The following EPOR variants were observed in gnomAD, a reference collection of about 807,000 sequenced individuals.
The protein encoded by EPOR is erythropoietin receptor.
In EPOR, 20 loss-of-function variants were observed where a neutral mutation model predicts 34.3. The ratio of observed to expected loss-of-function variants is 0.58; its 90% CI spans 0.41 to 0.85. EPOR has a LOEUF of 0.85. EPOR is among the 40% of genes least tolerant of loss of function. EPOR has a pLI of 0.00. For missense variants in EPOR, 601 were observed against 672.7 expected (o/e 0.89, Z 1.18); for synonymous variants, 312 against 299.0 (o/e 1.04, Z -0.45).
In EPOR at chr19:11,383,344, G is replaced by A; in HGVS notation, c.116-112C>T. On this transcript the variant is annotated intron_variant, in intron 1 of 7. Coordinates refer to ENST00000222139, the MANE Select transcript of EPOR (RefSeq NM_000121.4). This position sits in a 1 kb window ranked among gnomAD's most constrained non-coding sequence, Gnocchi z 4.9. ...GCGGACCCGATAAGAAAAAAGCCCC[G>A]CCCTGCCATCTTCCCAAGCGGGTCC... is the stretch of plus-strand genomic sequence containing the variant. 2 of 1,112,504 alleles carry A rather than the reference G, an allele frequency of 1.8e-6. No individual in the cohort carries two copies. The highest frequency in any genetic ancestry group is 2.5e-6 in the Non-Finnish European group (2 of 802,836). 68.9% of individuals were successfully genotyped at this position (1,112,504 alleles called of 1,614,324 possible).
chr19:11,380,223 A>T (rs1968337407), intron 6 of EPOR, among the ~76,000 whole-genome samples: 1 of 152,164 alleles, frequency 6.6e-6, no homozygotes, highest in Non-Finnish European at 1.5e-5. Context: ...ACAATTTGTC[A>T]TCAAATATTT....
chr19:11,381,737 G>T lies in EPOR; in HGVS notation c.540C>A (p.Tyr180Ter). ...PETPMTSHIRYEVDVSAGNGA... is the reference protein window; with the variant it reads ...PETPMTSHIR ...CGTTGCCGGCCGAGACGTCCACCTCGTAGCGGATGTGAGACGTCATGGGTG... is the reference window on the plus strand; with the variant it reads ...CGTTGCCGGCCGAGACGTCCACCTCTTAGCGGATGTGAGACGTCATGGGTG... Residue 180 changes from tyrosine to a stop codon, truncating the protein, a stop_gained, in exon 4 of 8, where the codon TAC becomes TAA. Transcript: ENST00000222139. LOFTEE classifies it high-confidence loss of function. This position sits in a 1 kb window ranked among gnomAD's most constrained non-coding sequence, Gnocchi z 5.3. The T allele has an allele frequency of 6.2e-7, 1 of 1,612,850 alleles. No homozygotes were observed. Among genetic ancestry groups the T allele is most frequent in the Non-Finnish European group, 8.5e-7 (1 of 1,179,556 alleles).
rs775215856 is a variant in EPOR at position 11,381,718 on chromosome 19, C to G, written c.559G>C (p.Gly187Arg). 3.1e-6 allele frequency: 5 copies of G among 1,610,570 alleles called. No individual in the cohort carries two copies. The highest frequency in any genetic ancestry group is 4.2e-6 in the Non-Finnish European group (5 of 1,178,816). ...CTCTGTACGCTCCCTGCGCCGTTGCCGGCCGAGACGTCCACCTCGTAGCGG... is the reference window on the plus strand; with the variant it reads ...CTCTGTACGCTCCCTGCGCCGTTGCGGGCCGAGACGTCCACCTCGTAGCGG... ...HIRYEVDVSA[G>R]NGAGSVQRVE... Residue 187 changes from glycine to arginine, a missense_variant, in exon 4 of 8, where the codon GGC becomes CGC. Gly to Arg is a moderately radical substitution (Grantham distance 125, BLOSUM62 -2). Transcript: ENST00000222139. This position sits in a 1 kb window ranked among gnomAD's most constrained non-coding sequence, Gnocchi z 5.3.
In EPOR at chr19:11,381,709, C is replaced by A. The variant is rs139849355; in HGVS notation, c.568G>T (p.Ala190Ser). Residue 190 changes from alanine (A) to serine (S), a missense_variant, in exon 4 of 8, where the codon GCA becomes TCA. Transcript: ENST00000222139. The surrounding 1 kb of genome is among the most constrained non-coding windows in gnomAD (Gnocchi z 5.3). ...GGCCTCACCCTCTGTACGCTCCCTG[C>A]GCCGTTGCCGGCCGAGACGTCCACC... ...YEVDVSAGNG[A>S]GSVQRVEILE... The A allele has an allele frequency of 6.8e-6, 11 of 1,608,864 alleles. No individual in the cohort carries two copies. In the East Asian group the frequency reaches 9.0e-5, roughly 13 times the overall value.
In EPOR at chr19:11,381,391, G is replaced by T; in HGVS notation, c.586-182C>A. On this transcript the variant is annotated intron_variant, in intron 4 of 7. Transcript: ENST00000222139. This position sits in a 1 kb window ranked among gnomAD's most constrained non-coding sequence, Gnocchi z 5.3. ...AGGGCCAATCAGAGAGAGAGTCTCT[G>T]GTACGAAAGGGCGGGACCCGGGCAA... The T allele has an allele frequency of 1.4e-6, 1 of 731,018 alleles. No homozygotes were observed. 45.3% of individuals were successfully genotyped at this position (731,018 alleles called of 1,614,324 possible).
In EPOR at chr19:11,383,029, CG is replaced by C; in HGVS notation, c.251+67del. The C allele has an allele frequency of 6.2e-7, 1 of 1,609,128 alleles. No homozygotes were observed. Among genetic ancestry groups the C allele is most frequent in the South Asian group, 1.1e-5 (1 of 91,024 alleles). ...AAACAGCAGGGGACATACGAGGCTA[CG>C]ACCTCCAGGGAGCTCTGCCCCACCC... On this transcript the variant is annotated intron_variant, in intron 2 of 7. Coordinates refer to ENST00000222139, the MANE Select transcript of EPOR (RefSeq NM_000121.4). This position sits in a 1 kb window ranked among gnomAD's most constrained non-coding sequence, Gnocchi z 4.9.
rs1968294574 is a variant in EPOR, at chr19:11,377,374, CCCATTT to C, written c.*604_*609del. On this transcript the variant is annotated 3_prime_UTR_variant, in exon 8 of 8. Transcript: ENST00000222139. ...TGAGGTGTGAGAAGAAGAGAGGAAGCCCATTTCCAGGCCAGATCCCTCAAATGGCCC... is the reference window on the plus strand; with the variant it reads ...TGAGGTGTGAGAAGAAGAGAGGAAGCCCAGGCCAGATCCCTCAAATGGCCC... 2.2e-6 allele frequency: 1 copy of C among 453,886 alleles called. No homozygotes were observed. The highest frequency in any genetic ancestry group is 1.6e-5 in the South Asian group (1 of 64,472). 28.1% of individuals were successfully genotyped at this position (453,886 alleles called of 1,614,324 possible).
Position 11,382,070 on chromosome 19 carries a change from G to T in EPOR, c.287C>A (p.Ala96Asp). 1.9e-6 allele frequency: 3 copies of T among 1,614,086 alleles called. No homozygotes were observed. The highest frequency in any genetic ancestry group is 2.5e-6 in the Non-Finnish European group (3 of 1,179,990). The change falls in exon 3 of 8, where the codon GCT becomes GAT. Residue 96 changes from alanine to aspartate, a missense_variant. Physicochemically the swap from Ala to Asp is moderately radical, Grantham distance 126. Transcript: ENST00000222139. ...EPWKLCRLHQ[A>D]PTARGAVRFW... ...GCGCACCGCACCACGAGCCGTGGGA[G>T]CCTGGTGCAGGCGACACAGCTTCCA...
chr19:11,381,643 GC>G lies in EPOR; in HGVS notation c.585+48del. 1.3e-6 allele frequency: 2 copies of G among 1,556,632 alleles called. No individual in the cohort carries two copies. Among genetic ancestry groups the G allele is most frequent in the Non-Finnish European group, 1.7e-6 (2 of 1,149,150 alleles). ...GCGCGACCTCGAGAGGCGTGGCTGG[GC>G]CGTAGTCAGTGGAGCTTTGGGGGCT... On this transcript the variant is annotated intron_variant, in intron 4 of 7. Transcript: ENST00000222139. The surrounding 1 kb of genome is among the most constrained non-coding windows in gnomAD (Gnocchi z 5.3).
rs1445996830 is a variant in EPOR at position 11,383,513 on chromosome 19, GGGACTGCC to G, written c.116-289_116-282del. ...GCGCGGCGTTCAAGACCTCGAGCTC[GGGACTGCC>G]AGCCCCGCCCCAGCCTAGGACACGC... is the stretch of plus-strand genomic sequence containing the variant. On this transcript the variant is annotated intron_variant, in intron 1 of 7. Coordinates refer to ENST00000222139, the MANE Select transcript of EPOR (RefSeq NM_000121.4). The surrounding 1 kb of genome is among the most constrained non-coding windows in gnomAD (Gnocchi z 4.9). 2.7e-6 allele frequency: 1 copy of G among 371,896 alleles called. No individual in the cohort carries two copies. Among genetic ancestry groups the G allele is most frequent in the East Asian group, 4.7e-5 (1 of 21,196 alleles). 23.0% of individuals were successfully genotyped at this position (371,896 alleles called of 1,614,324 possible).
In EPOR at chr19:11,378,021, G is replaced by A. The variant is rs375280404; in HGVS notation, c.1490C>T (p.Ala497Val). 6.2e-7 allele frequency: 1 copy of A among 1,614,032 alleles called. No individual in the cohort carries two copies. The highest frequency in any genetic ancestry group is 1.3e-5 in the African/African-American group (1 of 74,912). The stretch of plus-strand genomic sequence containing the variant: ...CACATAGCTGGGGGGCAGAGGCTCA[G>A]CGGCTGGGATAAGGCTGTTCTCATA... ...NPYENSLIPA[A>V]EPLPPSYVAC... The change falls in exon 8 of 8, where the codon GCT (alanine) becomes GTT (valine). Residue 497 changes from alanine to valine, a missense_variant. Transcript: ENST00000222139. The surrounding 1 kb of genome is among the most constrained non-coding windows in gnomAD (Gnocchi z 5.3).
Position 11,377,448 on chromosome 19 carries a change from C to T in EPOR, c.*536G>A, listed in dbSNP as rs1455991241. 1 of 454,062 alleles carries T rather than the reference C, an allele frequency of 2.2e-6. No homozygotes were observed. Among genetic ancestry groups the T allele is most frequent in the Non-Finnish European group, 4.4e-6 (1 of 226,780 alleles). 28.1% of individuals were successfully genotyped at this position (454,062 alleles called of 1,614,324 possible). A position where few individuals can be genotyped will look rare whatever the true frequency, so the allele number is the denominator to read the frequency against. ...CCCTTTTTCTTCCCTTGCTGACTGGCAGTTTGTAGAACAGGGGATCCATCT... is the reference window on the plus strand; with the variant it reads ...CCCTTTTTCTTCCCTTGCTGACTGGTAGTTTGTAGAACAGGGGATCCATCT... On this transcript the variant is annotated 3_prime_UTR_variant, in exon 8 of 8. Transcript: ENST00000222139.
Position 11,381,290 on chromosome 19 carries a change from A to G in EPOR, c.586-81T>C. On this transcript the variant is annotated intron_variant, in intron 4 of 7. Transcript: ENST00000222139. This position sits in a 1 kb window ranked among gnomAD's most constrained non-coding sequence, Gnocchi z 5.3. Reference sequence around the variant, plus strand: ...GGCGGGCCCTGGTGGAACTGAGCCAATCAGGGGAAAGGAAAACGGTGCCCT... The same window carrying G: ...GGCGGGCCCTGGTGGAACTGAGCCAGTCAGGGGAAAGGAAAACGGTGCCCT... 3.4e-6 allele frequency: 5 copies of G among 1,472,790 alleles called. No homozygotes were observed. The highest frequency in any genetic ancestry group is 4.6e-6 in the Non-Finnish European group (5 of 1,080,618). The allele number at this position is 1,472,790 out of a possible 1,614,324, so 91.2% of individuals were successfully genotyped here.
rs1568330538 is a variant in EPOR, at chr19:11,384,086, T to TCCTTC, written c.115+6_115+7insGAAGG. The TCCTTC allele has an allele frequency of 6.5e-7, 1 of 1,537,996 alleles. No individual in the cohort carries two copies. Among genetic ancestry groups the TCCTTC allele is most frequent in the African/African-American group, 1.4e-5 (1 of 72,904 alleles). ...AGCGTAGGGGTCCACACGCAGCTCA[T>TCCTTC]CCTTACCTTTGCTCTCGAACTTGGG... is the stretch of plus-strand genomic sequence containing the variant. On this transcript the variant is annotated splice_region_variant and intron_variant, in intron 1 of 7. Coordinates refer to ENST00000222139, the MANE Select transcript of EPOR (RefSeq NM_000121.4).
At position 11,381,182 on chromosome 19, in the gene EPOR, A is replaced by G. The variant is rs1248029611; in HGVS notation, c.613T>C (p.Cys205Arg). 1 of 1,550,704 alleles carries G rather than the reference A, an allele frequency of 6.4e-7. No homozygotes were observed. The highest frequency in any genetic ancestry group is 2.1e-4 in the Middle Eastern group (1 of 4,862). ...CGGCCCCGCAGGTTGCTCAGCACAC[A>G]CTCGGTGCGGCCCTCCAGGATCTCC... Reference protein sequence around the residue: ...RVEILEGRTECVLSNLRGRTR... With the variant: ...RVEILEGRTERVLSNLRGRTR... The change falls in exon 5 of 8, where the codon TGT becomes CGT. Residue 205 changes from cysteine (C) to arginine (R), a missense_variant. Coordinates refer to ENST00000222139, the MANE Select transcript of EPOR (RefSeq NM_000121.4). The surrounding 1 kb of genome is among the most constrained non-coding windows in gnomAD (Gnocchi z 5.3).
In EPOR at chr19:11,378,121, T is replaced by A. The variant is rs370541202; in HGVS notation, c.1390A>T (p.Ile464Phe). The change falls in exon 8 of 8, where the codon ATC becomes TTC. Residue 464 changes from isoleucine to phenylalanine, a missense_variant. Coordinates refer to ENST00000222139, the MANE Select transcript of EPOR (RefSeq NM_000121.4). The surrounding 1 kb of genome is among the most constrained non-coding windows in gnomAD (Gnocchi z 5.3). ...TCCCCTGAGCTGTAGTCAGTTGAGA[T>A]GCCAGAGTCAGATACCACAAGGTAC... Reference protein sequence around the residue: ...YLYLVVSDSGISTDYSSGDSQ... With the variant: ...YLYLVVSDSGFSTDYSSGDSQ... 5.0e-6 allele frequency: 8 copies of A among 1,613,962 alleles called. No individual in the cohort carries two copies. Among genetic ancestry groups the A allele is most frequent in the Non-Finnish European group, 6.8e-6 (8 of 1,180,020 alleles).
rs114157218 is a variant in EPOR, at chr19:11,379,538, G to A, written c.828-760C>T. On this transcript the variant is annotated intron_variant, in intron 6 of 7. Transcript: ENST00000222139. ...TGCAGTGAGCCAAGACTGCTGCACT[G>A]CACTACAGCTTGGGCGACAAGAGTG... Among the ~76,000 whole-genome samples the A allele has an allele frequency of 1.6e-3, 247 of 151,372 alleles. 3 individuals are homozygous for A. The highest frequency in any genetic ancestry group is 5.9e-3 in the African/African-American group (242 of 41,162).
At position 11,382,208 on chromosome 19, in the gene EPOR, T is replaced by C; in HGVS notation, c.252-103A>G. The C allele has an allele frequency of 5.9e-6, 5 of 851,384 alleles. No homozygotes were observed. The South Asian group carries it at 8.1e-5, about 14-fold the overall frequency. 52.7% of individuals were successfully genotyped at this position (851,384 alleles called of 1,614,324 possible). A position where few individuals can be genotyped will look rare whatever the true frequency, so the allele number is the denominator to read the frequency against. On this transcript the variant is annotated intron_variant, in intron 2 of 7. Transcript: ENST00000222139. ...GTATGTGTGACACAAGGTCTAGCCT[T>C]GTGTGTGTGTGTGACAAGGTGTTCC... is the stretch of plus-strand genomic sequence containing the variant.
At chr19:11,382,699 G>A in intron 2 of EPOR, 1 of 629,654 alleles carries the variant, frequency 1.6e-6, no homozygotes, top group Non-Finnish European at 2.3e-6. Flanking sequence ...TCGCTGTGTT[G>A]CCCAGGCTGG....
Sources: gnomAD v4.1 joint callset for allele counts (sites outside exome capture counted in the v4.1 genomes callset) on GRCh38, gnomAD v4.1.1 for gene constraint, Gnocchi (gnomAD v3.1) non-coding constraint, MANE v1.5 for transcripts, NCBI Gene and HGNC (gene_info 2026-07-23, HGNC 2026-07-21) for gene names.